Variants in CAMTA1 observed in about 807,000 individuals in gnomAD.
The protein encoded by CAMTA1 is calmodulin binding transcription activator 1, also known as calmodulin-binding transcription activator 1.
Under a neutral mutation model 170.9 loss-of-function variants are expected in CAMTA1, and 27 were observed. The observed-to-expected ratio is 0.16, with a 90% CI of 0.12 to 0.22. The LOEUF is 0.22. CAMTA1 is among the 10% of genes least tolerant of loss of function. The pLI, the probability that CAMTA1 is intolerant of heterozygous loss-of-function variation, is 1.00. For synonymous variants in CAMTA1, 833 were observed against 891.5 expected (o/e 0.93, Z 1.17); for missense variants, 1,619 against 2,217.2 (o/e 0.73, Z 5.42).
At chr1:7,414,089 G>A (rs552847528) in intron 5 of CAMTA1, among the ~76,000 whole-genome samples, 123 of 152,310 alleles carry the variant, frequency 8.1e-4, no homozygotes, top group African/African-American at 2.9e-3. Flanking sequence ...AACCAGCCTT[G>A]CATCCCAGGG....
At position 7,680,868 on chromosome 1, in the gene CAMTA1, CAG is replaced by C. The variant is rs1553247120; in HGVS notation, c.2914+3136_2914+3137del. Among the ~76,000 whole-genome samples, 49 of 139,682 alleles carry C rather than the reference CAG, an allele frequency of 3.5e-4. No individual in the cohort carries two copies. The highest frequency in any genetic ancestry group is 5.5e-4 in the Non-Finnish European group (34 of 62,330). 91.6% of individuals were successfully genotyped at this position (139,682 alleles called of 152,430 possible). A position where few individuals can be genotyped will look rare whatever the true frequency, so the allele number is the denominator to read the frequency against. On this transcript the variant is annotated intron_variant, in intron 11 of 22. Coordinates refer to ENST00000303635, the MANE Select transcript of CAMTA1 (RefSeq NM_015215.4). This position sits in a 1 kb window ranked among gnomAD's most constrained non-coding sequence, Gnocchi z 4.4. ...CGCGCGCGCGCGCGCGCGCCAGCAGCAGCAGCAGCAGCAGCTGCTGCGGCGAA... is the reference window on the plus strand; with the variant it reads ...CGCGCGCGCGCGCGCGCGCCAGCAGCCAGCAGCAGCAGCTGCTGCGGCGAA...
At chr1:6,833,802 A>AGGTGTTACTTTT (rs1651594565) in intron 3 of CAMTA1, among the ~76,000 whole-genome samples, 1 of 152,244 alleles carries the variant, frequency 6.6e-6, no homozygotes, top group Admixed American at 6.5e-5. Flanking sequence ...TACTCGGTTC[A>AGGTGTTACTTTT]GGTGTTACTT....
chr1:6,877,316 T>C (rs1052643979), intron 3 of CAMTA1, among the ~76,000 whole-genome samples: 2 of 152,330 alleles, frequency 1.3e-5, no homozygotes, highest in African/African-American at 2.4e-5. Context: ...CCTTTTGGCC[T>C]TGGCACCACC....
intron 6 of CAMTA1, among the ~76,000 whole-genome samples, chr1:7,569,538 A>T (rs1044957884): frequency 6.7e-5 from 10 of 150,224 alleles, no homozygotes; most frequent in Admixed American, 6.6e-4. Flanking sequence ...CTCCAACATC[A>T]TCATCACCAC....
intron 3 of CAMTA1, among the ~76,000 whole-genome samples, chr1:7,056,970 C>G (rs546871273): frequency 5.1e-4 from 77 of 152,326 alleles, no homozygotes; most frequent in African/African-American, 1.7e-3. Flanking sequence ...ACTCATGGTT[C>G]ACTGGTTCTT....
intron 3 of CAMTA1, among the ~76,000 whole-genome samples, chr1:7,024,839 T>G (rs1038429854): frequency 1.3e-5 from 2 of 152,220 alleles, no homozygotes; most frequent in Admixed American, 1.3e-4. Flanking sequence ...GAAAATAACT[T>G]GCTAAGAATT....
chr1:7,072,014 T>G (rs1638710977), intron 3 of CAMTA1, among the ~76,000 whole-genome samples: 1 of 152,226 alleles, frequency 6.6e-6, no homozygotes, highest in Non-Finnish European at 1.5e-5. Context: ...CTCCTGAGCC[T>G]TCTTGGAATC....
At chr1:6,925,045 G>A (rs965168615) in intron 3 of CAMTA1, among the ~76,000 whole-genome samples, 2 of 152,236 alleles carry the variant, frequency 1.3e-5, no homozygotes, top group African/African-American at 2.4e-5. Flanking sequence ...TGGCCTTGGA[G>A]CCTTGAGGAG....
At chr1:6,804,454 T>G (rs1445920424) in intron 1 of CAMTA1, among the ~76,000 whole-genome samples, 4 of 152,146 alleles carry the variant, frequency 2.6e-5, no homozygotes, top group African/African-American at 7.2e-5. Flanking sequence ...TAATTCCACA[T>G]TTTCATCACT....
chr1:7,548,135 A>G (rs1231276437), intron 6 of CAMTA1, among the ~76,000 whole-genome samples: 1 of 152,244 alleles, frequency 6.6e-6, no homozygotes, highest in East Asian at 1.9e-4. Flanking sequence ...AAAAGTTGAC[A>G]GTTATGCTGG....
intron 7 of CAMTA1, among the ~76,000 whole-genome samples, chr1:7,651,849 G>T (rs576806712): frequency 2.1e-4 from 32 of 152,344 alleles, no homozygotes; most frequent in African/African-American, 7.7e-4. Context: ...AGGCCAGCAC[G>T]GTGCTGCCAC....
chr1:7,466,960 T>G (rs2093225679), intron 5 of CAMTA1, among the ~76,000 whole-genome samples: 2 of 152,046 alleles, frequency 1.3e-5, no homozygotes, highest in African/African-American at 4.8e-5. Flanking sequence ...CTTAGGCCCC[T>G]TTCTCCATCT....
At position 7,738,201 on chromosome 1, in the gene CAMTA1, T is replaced by TC; in HGVS notation, c.3905dup (p.Pro1303SerfsTer64). 2 of 1,613,692 alleles carry TC rather than the reference T, an allele frequency of 1.2e-6. No individual in the cohort carries two copies. The highest frequency in any genetic ancestry group is 1.7e-6 in the Non-Finnish European group (2 of 1,179,970). On this transcript the variant is annotated frameshift_variant, in exon 16 of 23. Transcript: ENST00000303635. LOFTEE classifies it high-confidence loss of function. The surrounding 1 kb of genome is among the most constrained non-coding windows in gnomAD (Gnocchi z 4.9). The stretch of plus-strand genomic sequence containing the variant: ...AGTGAGGGACTTCAGCCGGGAACTC[T>TC]CCCCTCCCACTCCAGAGACTGCAGC...
chr1:7,043,731 C>T (rs929724037), intron 3 of CAMTA1, among the ~76,000 whole-genome samples: 3 of 152,102 alleles, frequency 2.0e-5, no homozygotes, highest in Non-Finnish European at 2.9e-5. Flanking sequence ...TTTTCGTCTT[C>T]GGTGGGTGGC....
chr1:7,686,773 A>G (rs1463773838), intron 11 of CAMTA1, among the ~76,000 whole-genome samples: 1 of 152,116 alleles, frequency 6.6e-6, no homozygotes, highest in Admixed American at 6.5e-5. Flanking sequence ...GGCCGGAACA[A>G]TGACTCCTGA....
At chr1:7,182,901 T>C (rs544136256) in intron 4 of CAMTA1, among the ~76,000 whole-genome samples, 2 of 152,300 alleles carry the variant, frequency 1.3e-5, no homozygotes, top group South Asian at 4.1e-4. Flanking sequence ...ATCTGTCAGA[T>C]TGGCAAACAT....
intron 3 of CAMTA1, among the ~76,000 whole-genome samples, chr1:6,889,780 A>C (rs1384409635): frequency 2.0e-5 from 3 of 152,150 alleles, no homozygotes; most frequent in Non-Finnish European, 2.9e-5. Context: ...GTGACCAGAG[A>C]TGCAGGAGCA....
intron 5 of CAMTA1, among the ~76,000 whole-genome samples, chr1:7,460,836 T>C (rs1206428144): frequency 2.0e-5 from 3 of 152,138 alleles, no homozygotes; most frequent in Non-Finnish European, 4.4e-5. Flanking sequence ...TTCTCTCTGA[T>C]TGCCTTTGTG....
intron 5 of CAMTA1, among the ~76,000 whole-genome samples, chr1:7,370,830 T>C (rs2086384042): frequency 6.6e-6 from 1 of 152,036 alleles, no homozygotes; most frequent in Admixed American, 6.6e-5. Context: ...ATATCCCCCT[T>C]GTCCTTCCCA....
Sources: allele counts gnomAD v4.1 joint callset (sites outside exome capture counted in the v4.1 genomes callset), GRCh38; gene constraint gnomAD v4.1.1; non-coding constraint Gnocchi (gnomAD v3.1); transcripts MANE v1.5; gene names NCBI Gene and HGNC (gene_info 2026-07-23, HGNC 2026-07-21).